Variants in SYT16 observed in about 807,000 individuals in gnomAD.
The protein encoded by SYT16 is synaptotagmin-16.
SYT16 carries 42 observed loss-of-function variants against 61.4 expected under a neutral mutation model. The ratio of observed to expected loss-of-function variants is 0.68; its 90% CI spans 0.53 to 0.89. SYT16 has a LOEUF of 0.89. Among genes scored for constraint, SYT16 ranks in the 40% least tolerant of loss-of-function variants. SYT16 has a pLI of 0.00. For missense variants in SYT16, 804 were observed against 807.3 expected (o/e 1.00, Z 0.05); for synonymous variants, 314 against 302.3 (o/e 1.04, Z -0.40).
intron 1 of SYT16, among the ~76,000 whole-genome samples, chr14:61,885,482 T>C (rs1000906209): frequency 1.3e-5 from 2 of 152,222 alleles, no homozygotes; most frequent in Non-Finnish European, 2.9e-5. Context: ...GAATTCTGCC[T>C]AGCATTAACA....
chr14:61,971,942 G>T (rs2051578593), intron 2 of SYT16, among the ~76,000 whole-genome samples: 1 of 152,196 alleles, frequency 6.6e-6, no homozygotes, highest in South Asian at 2.1e-4. Flanking sequence ...TGTCTGTTTG[G>T]CCATGGGGTG....
chr14:62,065,202 C>A (rs1408934707), intron 3 of SYT16, among the ~76,000 whole-genome samples: 2 of 152,208 alleles, frequency 1.3e-5, no homozygotes, highest in Non-Finnish European at 2.9e-5. Context: ...AGGGCTTCAG[C>A]TTCCTAATGC....
intron 1 of SYT16, among the ~76,000 whole-genome samples, chr14:61,874,135 G>T (rs959052281): frequency 3.9e-5 from 6 of 152,204 alleles, no homozygotes; most frequent in African/African-American, 1.2e-4. Flanking sequence ...AATATGAACT[G>T]TGAACTCTAG....
intron 3 of SYT16, among the ~76,000 whole-genome samples, chr14:62,051,735 A>T (rs1483508364): frequency 4.6e-5 from 7 of 152,192 alleles, no homozygotes; most frequent in Non-Finnish European, 7.3e-5. Flanking sequence ...TTAGTGGCTT[A>T]TTGTTAAAAC....
At chr14:62,057,297 T>C (rs575219343) in intron 3 of SYT16, among the ~76,000 whole-genome samples, 56 of 152,340 alleles carry the variant, frequency 3.7e-4, no homozygotes, top group African/African-American at 1.3e-3. Flanking sequence ...GTAAACACTT[T>C]TTCTCATAGG....
At chr14:62,033,827 C>G (rs887183716) in intron 3 of SYT16, among the ~76,000 whole-genome samples, 2 of 151,978 alleles carry the variant, frequency 1.3e-5, no homozygotes, top group African/African-American at 4.8e-5. Context: ...ACACTAAAAG[C>G]ACAAGTGACA....
chr14:61,835,976 T>C (rs555482715), intron 1 of SYT16, among the ~76,000 whole-genome samples: 4 of 152,318 alleles, frequency 2.6e-5, no homozygotes, highest in African/African-American at 9.6e-5. Context: ...GTTACTGGAC[T>C]AGTAACGTTG....
At chr14:62,070,487 G>T (rs2056256814) in intron 4 of SYT16, among the ~76,000 whole-genome samples, 1 of 152,096 alleles carries the variant, frequency 6.6e-6, no homozygotes. Flanking sequence ...TTTCACAAAG[G>T]GGAGGGGATA....
At chr14:61,879,722 C>G (rs1296212523) in intron 1 of SYT16, among the ~76,000 whole-genome samples, 1 of 152,128 alleles carries the variant, frequency 6.6e-6, no homozygotes, top group Non-Finnish European at 1.5e-5. Flanking sequence ...TCCTTTTTTA[C>G]TAGTTTAGAT....
intron 3 of SYT16, among the ~76,000 whole-genome samples, chr14:62,029,870 A>G (rs1416346573): frequency 6.6e-6 from 1 of 151,542 alleles, no homozygotes; most frequent in East Asian, 1.9e-4. Context: ...ACACATTGAT[A>G]TGTTTGTGTG....
At chr14:61,982,149 A>G (rs746441630) in intron 2 of SYT16, among the ~76,000 whole-genome samples, 36 of 152,164 alleles carry the variant, frequency 2.4e-4, no homozygotes, top group South Asian at 4.1e-4. Context: ...TAGTCATAGC[A>G]TGGAATTTTA....
At chr14:61,893,458 C>T (rs2048211360) in intron 1 of SYT16, among the ~76,000 whole-genome samples, 1 of 152,232 alleles carries the variant, frequency 6.6e-6, no homozygotes, top group Non-Finnish European at 1.5e-5. Context: ...TAAGTTTCAG[C>T]TTCCCCATTT....
chr14:62,042,224 A>G (rs1044003446), intron 3 of SYT16, among the ~76,000 whole-genome samples: 2 of 151,790 alleles, frequency 1.3e-5, no homozygotes, highest in Non-Finnish European at 2.9e-5. Context: ...GCTGGTCTTG[A>G]ACTCCTGGCC....
chr14:62,069,952 G>A (rs2056233937), intron 4 of SYT16, 137 bp downstream of exon 4: 1 of 1,021,162 alleles, frequency 9.8e-7, no homozygotes, highest in African/African-American at 1.6e-5. Flanking sequence ...ATTACGTGGA[G>A]CAAAGGGGCT....
intron 1 of SYT16, among the ~76,000 whole-genome samples, chr14:61,834,597 C>T (rs2140241398): frequency 6.6e-6 from 1 of 151,858 alleles, no homozygotes; most frequent in African/African-American, 2.4e-5. Flanking sequence ...GCCACCATGC[C>T]TGGCTAATTT....
At chr14:61,965,149 G>A (rs1396781072) in intron 1 of SYT16, among the ~76,000 whole-genome samples, 4 of 152,136 alleles carry the variant, frequency 2.6e-5, no homozygotes, top group African/African-American at 9.7e-5. Flanking sequence ...ACCTAGGAGT[G>A]GAATTGCTGA....
intron 3 of SYT16, among the ~76,000 whole-genome samples, chr14:62,046,778 A>G (rs1255311432): frequency 2.0e-5 from 3 of 152,096 alleles, no homozygotes; most frequent in African/African-American, 7.2e-5. Flanking sequence ...ATGTGGCATT[A>G]TGTCTGAGGG....
intron 2 of SYT16, among the ~76,000 whole-genome samples, chr14:61,981,652 C>T (rs964850045): frequency 5.3e-5 from 8 of 152,086 alleles, no homozygotes; most frequent in East Asian, 1.9e-4. Context: ...AACTTAGACA[C>T]GGGTTATTGT....
chr14:62,085,687 T>C (rs544140490), intron 7 of SYT16, among the ~76,000 whole-genome samples: 23 of 152,196 alleles, frequency 1.5e-4, no homozygotes, highest in African/African-American at 5.5e-4. Flanking sequence ...TGAAAACCAT[T>C]AGGAGGGCAA....
Sources: gnomAD v4.1 joint callset for allele counts (sites outside exome capture counted in the v4.1 genomes callset) on GRCh38, gnomAD v4.1.1 for gene constraint, MANE v1.5 for transcripts, NCBI Gene and HGNC (gene_info 2026-07-23, HGNC 2026-07-21) for gene names.